Variants in MEF2A observed in about 807,000 individuals in gnomAD.
The protein encoded by MEF2A is myocyte enhancer factor 2A.
In MEF2A, 28 loss-of-function variants were observed where a neutral mutation model predicts 55.8. The observed-to-expected ratio is 0.50, with a 90% CI of 0.37 to 0.69. The LOEUF (loss-of-function observed/expected upper bound fraction) is 0.69. MEF2A is among the 30% of genes least tolerant of loss of function. MEF2A has a pLI of 0.00. For missense variants in MEF2A, 528 were observed against 626.2 expected, an observed-to-expected ratio of 0.84 and a Z score of 1.67; for synonymous variants, 239 against 227.1, an observed-to-expected ratio of 1.05 and a Z score of -0.47.
chr15:99,712,473 C>G lies in MEF2A; in HGVS notation c.1220C>G (p.Pro407Arg). The part of the protein sequence containing the change: ...NISIKSEPIS[P>R]PRDRMTPSGF... ...AGCATCAAGTCCGAACCGATTTCAC[C>G]TCCTCGGGATCGTATGACCCCATCG... Residue 407 changes from proline to arginine, a missense_variant, in exon 12 of 12, where the codon CCT becomes CGT. Physicochemically the swap from Pro to Arg is moderately radical, Grantham distance 103. Around this residue, in one of 2 missense-constraint regions of MEF2A, gnomAD observed 450 missense variants for 475.3 expected, o/e 0.95. Transcript: ENST00000557942. This position sits in a 1 kb window ranked among gnomAD's most constrained non-coding sequence, Gnocchi z 4.1. The G allele has an allele frequency of 1.3e-6, 2 of 1,551,660 alleles. No individual in the cohort carries two copies. The highest frequency in any genetic ancestry group is 1.7e-6 in the Non-Finnish European group (2 of 1,146,950).
chr15:99,662,088 T>C (rs1444314763), intron 4 of MEF2A, among the ~76,000 whole-genome samples: 1 of 152,166 alleles, frequency 6.6e-6, no homozygotes, highest in Non-Finnish European at 1.5e-5. Context: ...GGGATATGTA[T>C]ATATGTGGTA....
At chr15:99,582,711 T>C (rs928046390) in intron 1 of MEF2A, among the ~76,000 whole-genome samples, 1 of 152,178 alleles carries the variant, frequency 6.6e-6, no homozygotes, top group African/African-American at 2.4e-5. Flanking sequence ...CATATGGCTT[T>C]AAAGTCATCT....
chr15:99,685,225 G>A (rs1176561456), intron 7 of MEF2A, among the ~76,000 whole-genome samples: 1 of 152,078 alleles, frequency 6.6e-6, no homozygotes, highest in African/African-American at 2.4e-5. Flanking sequence ...CCCTAGTTCT[G>A]TGAAGAATGA....
At chr15:99,609,297 G>A (rs985445204) in intron 2 of MEF2A, among the ~76,000 whole-genome samples, 8 of 152,216 alleles carry the variant, frequency 5.3e-5, no homozygotes, top group African/African-American at 1.9e-4. Context: ...TGAATCAGAT[G>A]TTAGTATTTT....
chr15:99,690,202 A>T, intron 7 of MEF2A, 39 bp from the exon 8 acceptor site: 1 of 1,579,084 alleles, frequency 6.3e-7, no homozygotes, highest in Non-Finnish European at 8.6e-7. Context: ...GTATTTTAAT[A>T]ACTCTTCTCA....
intron 3 of MEF2A, among the ~76,000 whole-genome samples, chr15:99,641,802 T>A (rs1282000756): frequency 6.6e-6 from 1 of 152,186 alleles, no homozygotes; most frequent in Non-Finnish European, 1.5e-5. Context: ...ACCCCGTACA[T>A]TTTCCAGCAT....
chr15:99,639,151 A>G (rs865829882), intron 3 of MEF2A, among the ~76,000 whole-genome samples: 16 of 152,172 alleles, frequency 1.1e-4, no homozygotes, highest in African/African-American at 2.2e-4. Context: ...CAGAAGTAAC[A>G]TATGTCAGTG....
chr15:99,652,963 T>C (rs1481604947), intron 4 of MEF2A, among the ~76,000 whole-genome samples: 1 of 152,262 alleles, frequency 6.6e-6, no homozygotes, highest in Non-Finnish European at 1.5e-5. Context: ...GGCTATTTTA[T>C]TATCTTATGG....
intron 8 of MEF2A, among the ~76,000 whole-genome samples, chr15:99,701,723 A>G (rs2057407839): frequency 6.6e-6 from 1 of 152,234 alleles, no homozygotes; most frequent in South Asian, 2.1e-4. Context: ...AAATATATAC[A>G]TACATACATA....
At chr15:99,667,414 C>T (rs985926780) in intron 4 of MEF2A, among the ~76,000 whole-genome samples, 23 of 151,960 alleles carry the variant, frequency 1.5e-4, no homozygotes, top group African/African-American at 3.6e-4. Context: ...TTAGTAGAGA[C>T]GGGGTTTCAC....
At chr15:99,707,683 C>T (rs527894243) in intron 10 of MEF2A, among the ~76,000 whole-genome samples, 68 of 152,128 alleles carry the variant, frequency 4.5e-4, no homozygotes, top group Non-Finnish European at 8.7e-4. Context: ...CAGAGGAAGA[C>T]GGCAGTAGTT....
intron 2 of MEF2A, among the ~76,000 whole-genome samples, chr15:99,619,117 C>A (rs2040707424): frequency 6.6e-6 from 1 of 152,060 alleles, no homozygotes. Flanking sequence ...TGGTGGATTT[C>A]TTTATGTCTC....
intron 2 of MEF2A, among the ~76,000 whole-genome samples, chr15:99,623,804 CG>C (rs1324322260): frequency 6.7e-5 from 10 of 148,904 alleles, no homozygotes; most frequent in African/African-American, 2.5e-4. Flanking sequence ...TATGATCTGC[CG>C]TTTTTTTTTT....
intron 4 of MEF2A, among the ~76,000 whole-genome samples, chr15:99,658,613 A>G (rs2048128580): frequency 6.6e-6 from 1 of 152,112 alleles, no homozygotes; most frequent in Admixed American, 6.5e-5. Flanking sequence ...TAAAAAAAAA[A>G]ACAAACAAAA....
chr15:99,682,607 C>G (rs927748475), intron 7 of MEF2A, among the ~76,000 whole-genome samples: 1 of 152,182 alleles, frequency 6.6e-6, no homozygotes, highest in Non-Finnish European at 1.5e-5. Context: ...ATTCTCTTAG[C>G]TTCAGCCTGG....
chr15:99,576,611 T>C (rs1320160487), intron 1 of MEF2A, among the ~76,000 whole-genome samples: 2 of 151,948 alleles, frequency 1.3e-5, no homozygotes, highest in African/African-American at 4.8e-5. Flanking sequence ...TTAATAACTG[T>C]TATTCTAGAA....
In MEF2A at chr15:99,671,772, G is replaced by A. The variant is rs3730278; in HGVS notation, c.390+318G>A. The A allele has an allele frequency of 4.4e-3, 4,842 of 1,105,860 alleles. 114 individuals carry two copies. The East Asian group carries it at 0.07, about 16-fold the overall frequency. The allele number at this position is 1,105,860 out of a possible 1,614,324, so 68.5% of individuals were successfully genotyped here. A position where few individuals can be genotyped will look rare whatever the true frequency, so the allele number is the denominator to read the frequency against. ...CAACAATAAGTAGAAGGGAAGAAAT[G>A]CATTTTATTAGTATTTTTTATAAAA... is the stretch of plus-strand genomic sequence containing the variant. On this transcript the variant is annotated intron_variant, in intron 5 of 11. Coordinates refer to ENST00000557942, the MANE Select transcript of MEF2A (RefSeq NM_001319206.4).
chr15:99,597,435 C>G (rs191559991), intron 1 of MEF2A, among the ~76,000 whole-genome samples: 2 of 152,270 alleles, frequency 1.3e-5, no homozygotes, highest in East Asian at 3.9e-4. Flanking sequence ...AAAACCCTGT[C>G]TCCTGATAAG....
chr15:99,582,401 T>C (rs547187907), intron 1 of MEF2A, among the ~76,000 whole-genome samples: 129 of 152,236 alleles, frequency 8.5e-4, no homozygotes, highest in Admixed American at 2.2e-3. Flanking sequence ...CAGACTGTGC[T>C]GTCCTTGAAA....
Sources: allele counts gnomAD v4.1 joint callset (sites outside exome capture counted in the v4.1 genomes callset), GRCh38; gene constraint gnomAD v4.1.1; regional missense constraint gnomAD v4.1.1; non-coding constraint Gnocchi (gnomAD v3.1); transcripts MANE v1.5; gene names NCBI Gene and HGNC (gene_info 2026-07-23, HGNC 2026-07-21).